Variants in CACNA2D1 observed in about 807,000 individuals in gnomAD.
The protein encoded by CACNA2D1 is calcium voltage-gated channel auxiliary subunit alpha2delta 1, also known as voltage-dependent calcium channel subunit alpha-2/delta-1.
CACNA2D1 carries 53 observed loss-of-function variants against 171.5 expected under a neutral mutation model. The ratio of observed to expected loss-of-function variants is 0.31; its 90% CI spans 0.25 to 0.39. The LOEUF is 0.39. CACNA2D1 is among the 10% of genes least tolerant of loss of function. The pLI, the probability that CACNA2D1 is intolerant of heterozygous loss-of-function variation, is 1.00. For synonymous variants in CACNA2D1, 442 were observed against 443.1 expected, an observed-to-expected ratio of 1.00 and a Z score of 0.03; for missense variants, 903 against 1,299.8, an observed-to-expected ratio of 0.69 and a Z score of 4.69.
intron 6 of CACNA2D1, among the ~76,000 whole-genome samples, chr7:82,092,230 C>A (rs73706222): frequency 2.5e-4 from 38 of 152,264 alleles, no homozygotes; most frequent in African/African-American, 4.1e-4. Context: ...ACACTCACAT[C>A]ATAAGATATT....
intron 10 of CACNA2D1, among the ~76,000 whole-genome samples, chr7:82,044,846 T>C (rs1279824817): frequency 6.6e-6 from 1 of 152,190 alleles, no homozygotes; most frequent in Non-Finnish European, 1.5e-5. Flanking sequence ...TATAAGAGAT[T>C]ATATGAAAAT....
chr7:82,235,661 T>C (rs1803498958), intron 3 of CACNA2D1, among the ~76,000 whole-genome samples: 1 of 152,282 alleles, frequency 6.6e-6, no homozygotes, highest in Non-Finnish European at 1.5e-5. Flanking sequence ...TTTCATGCCA[T>C]ATCTTTCATA....
intron 1 of CACNA2D1, among the ~76,000 whole-genome samples, chr7:82,429,099 C>T (rs1304253856): frequency 6.6e-6 from 1 of 152,176 alleles, no homozygotes; most frequent in Non-Finnish European, 1.5e-5. Context: ...AATAAATTTA[C>T]AATCTTTTCC....
chr7:82,157,689 T>C (rs929904865), intron 4 of CACNA2D1, among the ~76,000 whole-genome samples: 7 of 152,164 alleles, frequency 4.6e-5, no homozygotes, highest in South Asian at 4.1e-4. Context: ...ATTTTCAGCA[T>C]AGGACTTTGA....
chr7:82,076,138 C>T (rs993074002), intron 7 of CACNA2D1, among the ~76,000 whole-genome samples: 4 of 151,728 alleles, frequency 2.6e-5, no homozygotes, highest in Non-Finnish European at 5.9e-5. Flanking sequence ...AAAAATAAGA[C>T]AGATTCAGGT....
chr7:82,232,576 A>T (rs1449613379), intron 3 of CACNA2D1, among the ~76,000 whole-genome samples: 1 of 152,042 alleles, frequency 6.6e-6, no homozygotes, highest in Non-Finnish European at 1.5e-5. Context: ...TAATATTAAG[A>T]CTTGGTTGGC....
chr7:82,106,216 G>A (rs7786694), intron 6 of CACNA2D1, among the ~76,000 whole-genome samples: 21,050 of 152,014 alleles, frequency 0.14, 1,897 homozygotes, highest in Middle Eastern at 0.24. Flanking sequence ...GGGAGAAATC[G>A]AGTAAGATTT....
At chr7:82,207,497 T>C (rs1800120837) in intron 3 of CACNA2D1, among the ~76,000 whole-genome samples, 1 of 152,116 alleles carries the variant, frequency 6.6e-6, no homozygotes, top group African/African-American at 2.4e-5. Flanking sequence ...TATGCTGTAC[T>C]TTTCATGTTT....
chr7:82,156,727 A>C (rs2367910), intron 4 of CACNA2D1, among the ~76,000 whole-genome samples: 137,267 of 151,742 alleles, frequency 0.9, 62,194 homozygotes, highest in East Asian at 0.97. Context: ...TTTGTGAACA[A>C]GTAAATTGAA....
chr7:81,984,673 A>G lies in CACNA2D1; in HGVS notation c.1835T>C (p.Ile612Thr). The part of the protein sequence containing the change: ...LVLPTYSFYY[I>T]KAKLEETITQ... ...TATTGTCTCTTCTAGTTTGGCTTTTATATAGTAAAAACTGTAGGTTGGTAA... is the reference window on the plus strand; with the variant it reads ...TATTGTCTCTTCTAGTTTGGCTTTTGTATAGTAAAAACTGTAGGTTGGTAA... The change falls in exon 22 of 39, where the codon ATA becomes ACA. Residue 612 changes from isoleucine (I) to threonine (T), a missense_variant. Physicochemically the swap from Ile to Thr is moderately conservative, Grantham distance 89. Transcript: ENST00000356860. The G allele has an allele frequency of 6.4e-7, 1 of 1,572,116 alleles. No individual in the cohort carries two copies. The highest frequency in any genetic ancestry group is 1.2e-5 in the South Asian group (1 of 86,548).
At chr7:82,329,316 T>C (rs1004759513) in intron 3 of CACNA2D1, among the ~76,000 whole-genome samples, 1 of 152,170 alleles carries the variant, frequency 6.6e-6, no homozygotes, top group Non-Finnish European at 1.5e-5. Context: ...CAAAATAGAT[T>C]GGAGCAGCTT....
At chr7:82,027,364 TTCACAGTGCATA>T (rs1802064140) in intron 12 of CACNA2D1, among the ~76,000 whole-genome samples, 1 of 151,816 alleles carries the variant, frequency 6.6e-6, no homozygotes, top group Admixed American at 6.6e-5. Context: ...GTCATTTAAC[TTCACAGTGCATA>T]TGAAATGTGG....
At chr7:82,189,901 A>G (rs567979505) in intron 3 of CACNA2D1, among the ~76,000 whole-genome samples, 5 of 152,080 alleles carry the variant, frequency 3.3e-5, no homozygotes, top group Admixed American at 2.0e-4. Flanking sequence ...ACTAATTGTA[A>G]AAGTTATTAA....
At chr7:81,974,863 T>TG (rs1290392748) in intron 24 of CACNA2D1, among the ~76,000 whole-genome samples, 1 of 151,666 alleles carries the variant, frequency 6.6e-6, no homozygotes, top group African/African-American at 2.4e-5. Context: ...ACAGAAATCT[T>TG]GGGGCATCGG....
chr7:81,983,314 C>T lies in CACNA2D1; in HGVS notation c.1894G>A (p.Asp632Asn). 6.2e-7 allele frequency: 1 copy of T among 1,610,214 alleles called. No individual in the cohort carries two copies. The highest frequency in any genetic ancestry group is 8.5e-7 in the Non-Finnish European group (1 of 1,177,260). ...AGTTGAGCAACAAGAAAATACTTGC[C>T]CTTCATTTTGCCCTTTTTTGCTGTG... Reference protein sequence around the residue: ...QARSKKGKMKDSETLKPDNFE... With the variant: ...QARSKKGKMKNSETLKPDNFE... The change falls in exon 23 of 39, where the codon GAT becomes AAT. Residue 632 changes from aspartate (D) to asparagine (N), a missense_variant and splice_region_variant. Asp to Asn is a conservative substitution (Grantham distance 23). Coordinates refer to ENST00000356860, the MANE Select transcript of CACNA2D1 (RefSeq NM_000722.4).
At chr7:82,009,029 A>G (rs371494775) in intron 15 of CACNA2D1, 1 of 152,180 alleles carries the variant, frequency 6.6e-6, no homozygotes, top group East Asian at 1.9e-4. Flanking sequence ...TCTCATCTTC[A>G]GTTGTAGTTC....
At chr7:82,049,296 A>C (rs1202668137) in intron 10 of CACNA2D1, among the ~76,000 whole-genome samples, 1 of 152,170 alleles carries the variant, frequency 6.6e-6, no homozygotes, top group South Asian at 2.1e-4. Flanking sequence ...AAAAAAGTGC[A>C]TAAGAAGATA....
At chr7:81,955,942 A>G (rs1488987661) in intron 38 of CACNA2D1, among the ~76,000 whole-genome samples, 1 of 125,826 alleles carries the variant, frequency 7.9e-6, no homozygotes, top group Admixed American at 8.4e-5. Context: ...GGTTAAAAAG[A>G]TTTTAAAGTC....
At chr7:82,258,932 A>G (rs139659001) in intron 3 of CACNA2D1, among the ~76,000 whole-genome samples, 1,968 of 145,056 alleles carry the variant, frequency 0.014, 33 homozygotes, top group Middle Eastern at 0.076. Context: ...GGTTCAAGTG[A>G]TTTCTCTTGC....
Sources: allele counts gnomAD v4.1 joint callset (sites outside exome capture counted in the v4.1 genomes callset), GRCh38; gene constraint gnomAD v4.1.1; transcripts MANE v1.5; gene names NCBI Gene and HGNC (gene_info 2026-07-23, HGNC 2026-07-21).